The following MTUS2 variants were observed in gnomAD, a reference collection of about 807,000 sequenced individuals.
MTUS2 encodes the protein microtubule-associated tumor suppressor candidate 2.
In MTUS2, 40 loss-of-function variants were observed where a neutral mutation model predicts 114.1. The observed-to-expected ratio is 0.35, with a 90% CI of 0.27 to 0.46. The LOEUF (loss-of-function observed/expected upper bound fraction) is 0.46. MTUS2 is among the 20% of genes least tolerant of loss of function. MTUS2 has a pLI of 1.00. For synonymous variants in MTUS2, 688 were observed against 672.0 expected (o/e 1.02, Z -0.37); for missense variants, 1,679 against 1,705.4 (o/e 0.98, Z 0.27).
At chr13:29,157,504 A>G (rs1470735309) in intron 5 of MTUS2, among the ~76,000 whole-genome samples, 1 of 152,188 alleles carries the variant, frequency 6.6e-6, no homozygotes, top group African/African-American at 2.4e-5. Context: ...ACGTTGACCC[A>G]TGTTAACCAA....
intron 14 of MTUS2, among the ~76,000 whole-genome samples, chr13:29,500,474 G>A (rs1437092421): frequency 6.6e-6 from 1 of 152,176 alleles, no homozygotes; most frequent in Non-Finnish European, 1.5e-5. Context: ...GGCATCAATT[G>A]CCGGGGAGTA....
intron 5 of MTUS2, among the ~76,000 whole-genome samples, chr13:29,280,700 A>G (rs900828297): frequency 2.0e-5 from 3 of 152,160 alleles, no homozygotes; most frequent in Non-Finnish European, 4.4e-5. Context: ...TTCATGGTAG[A>G]TGGTCATATT....
chr13:29,211,443 C>T (rs1895433084), intron 5 of MTUS2, among the ~76,000 whole-genome samples: 1 of 152,292 alleles, frequency 6.6e-6, no homozygotes, highest in Non-Finnish European at 1.5e-5. Context: ...CCTATCTGTA[C>T]TCCCAGATCA....
At chr13:28,861,065 A>G (rs1876949125) in intron 2 of MTUS2, among the ~76,000 whole-genome samples, 1 of 152,176 alleles carries the variant, frequency 6.6e-6, no homozygotes, top group African/African-American at 2.4e-5. Flanking sequence ...CCAGGCTGGT[A>G]GAGGGCAGGG....
chr13:28,973,795 G>A (rs1460439592), intron 2 of MTUS2, among the ~76,000 whole-genome samples: 3 of 152,220 alleles, frequency 2.0e-5, no homozygotes, highest in Non-Finnish European at 4.4e-5. Context: ...TTTCTAGGTT[G>A]ATTGGAAGAA....
At chr13:28,950,444 T>G (rs1327967206) in intron 2 of MTUS2, among the ~76,000 whole-genome samples, 7 of 152,226 alleles carry the variant, frequency 4.6e-5, no homozygotes, top group African/African-American at 1.7e-4. Context: ...TAGAAGTCTT[T>G]TAGTGTAGTC....
At position 29,389,683 on chromosome 13, in the gene MTUS2, GTATGTATA is replaced by G. The variant is rs1340214491; in HGVS notation, c.3117+30216_3117+30223del. On this transcript the variant is annotated intron_variant, in intron 8 of 15. Transcript: ENST00000612955. Reference sequence around the variant, plus strand: ...TATGTATATGTATATATACATATATGTATGTATATATGTGTATATGTGTATATGTATAT... The same window carrying G: ...TATGTATATGTATATATACATATATGTATGTGTATATGTGTATATGTATAT... Among the ~76,000 whole-genome samples the G allele has an allele frequency of 2.8e-5, 4 of 140,616 alleles. 1 individual carries two copies. Among genetic ancestry groups the G allele is most frequent in the African/African-American group, 1.1e-4 (4 of 37,550 alleles). 92.2% of individuals were successfully genotyped at this position (140,616 alleles called of 152,430 possible). A position where few individuals can be genotyped will look rare whatever the true frequency, so the allele number is the denominator to read the frequency against.
intron 5 of MTUS2, among the ~76,000 whole-genome samples, chr13:29,108,430 A>G (rs1019034827): frequency 1.3e-5 from 2 of 152,220 alleles, no homozygotes; most frequent in African/African-American, 4.8e-5. Context: ...TTTGGGGAAC[A>G]TTTTTATTTA....
In MTUS2 at chr13:28,927,185, T is replaced by C. The variant is rs139370800; in HGVS notation, c.-243+87335T>C. Among the ~76,000 whole-genome samples the C allele has an allele frequency of 4.2e-3, 641 of 152,334 alleles. 5 individuals carry two copies. The highest frequency in any genetic ancestry group is 0.015 in the African/African-American group (618 of 41,574). ...TGTAAATAGAAACATAATTTATGAATTTTGCAGCAGCCTATGACACTTGAT... is the reference window on the plus strand; with the variant it reads ...TGTAAATAGAAACATAATTTATGAACTTTGCAGCAGCCTATGACACTTGAT... On this transcript the variant is annotated intron_variant, in intron 2 of 15. Transcript: ENST00000612955.
intron 4 of MTUS2, among the ~76,000 whole-genome samples, chr13:29,066,480 C>T (rs9508249): frequency 0.2 from 29,850 of 152,166 alleles, 3,206 homozygotes; most frequent in Non-Finnish European, 0.24. Flanking sequence ...TTTGTTGTCT[C>T]TGTTGCAACT....
intron 2 of MTUS2, among the ~76,000 whole-genome samples, chr13:29,017,056 G>A (rs1214884682): frequency 1.3e-5 from 2 of 152,100 alleles, no homozygotes; most frequent in Admixed American, 1.3e-4. Flanking sequence ...AAAACATGGA[G>A]GTATTATTAC....
intron 4 of MTUS2, among the ~76,000 whole-genome samples, chr13:29,037,653 A>T (rs982359767): frequency 6.6e-6 from 1 of 152,164 alleles, no homozygotes; most frequent in African/African-American, 2.4e-5. Context: ...TACACCAATC[A>T]AATGTAGGTT....
chr13:29,148,454 C>T (rs944907265), intron 5 of MTUS2, among the ~76,000 whole-genome samples: 13 of 146,382 alleles, frequency 8.9e-5, no homozygotes, highest in African/African-American at 3.3e-4. Context: ...TAAGTGAGAA[C>T]ATGCTGTGTT....
In MTUS2 at chr13:29,389,430, CGTGTGTGTAT is replaced by C. The variant is rs1872990075; in HGVS notation, c.3117+29962_3117+29971del. Among the ~76,000 whole-genome samples, 3 of 100,198 alleles carry C rather than the reference CGTGTGTGTAT, an allele frequency of 3.0e-5. 1 individual carries two copies. The highest frequency in any genetic ancestry group is 1.0e-4 in the Admixed American group (1 of 9,926). The allele number at this position is 100,198 out of a possible 152,430, so 65.7% of individuals were successfully genotyped here. On this transcript the variant is annotated intron_variant, in intron 8 of 15. Transcript: ENST00000612955. ...ATACACGTGTGTGTGTATGTATACACGTGTGTGTATGTGTATGTATACACGTGTGTGTATG... is the reference window on the plus strand; with the variant it reads ...ATACACGTGTGTGTGTATGTATACACGTGTATGTATACACGTGTGTGTATG...
At chr13:29,383,252 G>GTATATATATATTTATTTATTTATTTATT (rs1555271591) in intron 8 of MTUS2, among the ~76,000 whole-genome samples, 27 of 135,964 alleles carry the variant, frequency 2.0e-4, no homozygotes, top group Admixed American at 1.3e-3. Context: ...GTGTGTGTGT[G>GTATATATATATTTATTTATTTATTTATT]TATTTATTTT....
intron 4 of MTUS2, among the ~76,000 whole-genome samples, chr13:29,047,435 T>C (rs1466295187): frequency 6.6e-6 from 1 of 152,106 alleles, no homozygotes; most frequent in Non-Finnish European, 1.5e-5. Flanking sequence ...TCCCCATGTC[T>C]AAATTGGCCT....
intron 8 of MTUS2, among the ~76,000 whole-genome samples, chr13:29,396,002 A>G (rs1873889665): frequency 6.6e-6 from 1 of 152,214 alleles, no homozygotes; most frequent in African/African-American, 2.4e-5. Context: ...GGGCTTCATG[A>G]AACAAATCAC....
At chr13:29,439,248 CAAT>C (rs1278610254) in intron 8 of MTUS2, among the ~76,000 whole-genome samples, 12 of 152,156 alleles carry the variant, frequency 7.9e-5, no homozygotes, top group Admixed American at 6.5e-4. Flanking sequence ...TATAGTGACT[CAAT>C]AACGCAGATT....
chr13:29,292,971 A>G (rs1898779922), intron 6 of MTUS2, among the ~76,000 whole-genome samples: 1 of 152,214 alleles, frequency 6.6e-6, no homozygotes, highest in Non-Finnish European at 1.5e-5. Flanking sequence ...AAAAAGTTGT[A>G]TTGAGCAACA....
Sources: allele counts gnomAD v4.1 joint callset (sites outside exome capture counted in the v4.1 genomes callset), GRCh38; gene constraint gnomAD v4.1.1; transcripts MANE v1.5; gene names NCBI Gene and HGNC (gene_info 2026-07-23, HGNC 2026-07-21).